The following FANCA variants were observed in gnomAD, a reference collection of about 807,000 sequenced individuals.
The protein encoded by FANCA is Fanconi anemia group A protein.
Under a neutral mutation model 194.3 loss-of-function variants are expected in FANCA, and 236 were observed. That is an observed-to-expected ratio of 1.21 (90% CI 1.09 to 1.35). The LOEUF is 1.35. FANCA is among the 40% of genes most tolerant of loss of function. The probability of loss-of-function intolerance (pLI) is 0.00; values close to 1 mark genes in which losing one functional copy is unlikely to be tolerated. For synonymous variants in FANCA, 1,014 were observed against 715.8 expected (o/e 1.42, Z -6.65); for missense variants, 2,628 against 1,813.9 (o/e 1.45, Z -8.15).
At chr16:89,746,553 A>G in intron 35 of FANCA, 31 bp downstream of exon 35, 1 of 1,595,752 alleles carries the variant, frequency 6.3e-7, no homozygotes, top group Non-Finnish European at 8.6e-7. Context: ...TCATCCCCAA[A>G]ACAAAACACC....
intron 14 of FANCA, 102 bp downstream of exon 14, chr16:89,791,301 G>A: frequency 6.8e-7 from 1 of 1,467,128 alleles, no homozygotes. Flanking sequence ...CAGCAAGGTT[G>A]CTCACTCACA....
intron 5 of FANCA, 121 bp downstream of exon 5, chr16:89,810,586 C>T (rs1343329786): frequency 1.3e-6 from 1 of 774,868 alleles, no homozygotes; most frequent in Non-Finnish European, 2.3e-6. Context: ...CATCCACTCT[C>T]TGTAATTAAT....
chr16:89,782,510 CAAAA>C (rs750202032), intron 17 of FANCA, among the ~76,000 whole-genome samples: 1 of 122,534 alleles, frequency 8.2e-6, no homozygotes, highest in African/African-American at 3.1e-5. Flanking sequence ...ACTGCATCTC[CAAAA>C]AAAAAAAAAA....
chr16:89,809,675 C>A (rs1474666694), intron 5 of FANCA, among the ~76,000 whole-genome samples: 2 of 151,892 alleles, frequency 1.3e-5, no homozygotes, highest in African/African-American at 4.8e-5. Flanking sequence ...CATGGAGAAA[C>A]CCCGTCTCTA....
At chr16:89,768,886 T>C (rs996866120) in intron 26 of FANCA, among the ~76,000 whole-genome samples, 11 of 150,686 alleles carry the variant, frequency 7.3e-5, no homozygotes, top group Admixed American at 1.3e-4. Context: ...AACTTCTCCA[T>C]TGGCTGTGTG....
intron 28 of FANCA, 98 bp from the exon 29 acceptor site, chr16:89,762,120 C>A (rs2038972795): frequency 1.1e-6 from 1 of 883,156 alleles, no homozygotes; most frequent in Non-Finnish European, 1.9e-6. Context: ...CATACGCAGT[C>A]CTCCATGTCC....
intron 8 of FANCA, among the ~76,000 whole-genome samples, chr16:89,801,102 T>C (rs2040434505): frequency 6.6e-6 from 1 of 150,856 alleles, no homozygotes; most frequent in Non-Finnish European, 1.5e-5. Flanking sequence ...TCCCAACACT[T>C]TGAGAGGCCA....
In FANCA at chr16:89,799,616, C is replaced by G; in HGVS notation, c.815G>C (p.Arg272Thr). ...TGCAATTAACTTACAAATCAGCATT[C>G]TCTGCAGTACATCAACCGTGACCTG... is the stretch of plus-strand genomic sequence containing the variant. ...MPQVTVDVLQ[R>T]MLIFALDALA... is the part of the protein sequence containing the mutation. The change falls in exon 9 of 43, where the codon AGA becomes ACA. Residue 272 changes from arginine to threonine, a missense_variant. By Grantham distance (71) the Arg-to-Thr change is moderately conservative. Coordinates refer to ENST00000389301, the MANE Select transcript of FANCA (RefSeq NM_000135.4). The G allele has an allele frequency of 6.2e-7, 1 of 1,613,756 alleles. No individual in the cohort carries two copies. Among genetic ancestry groups the G allele is most frequent in the Non-Finnish European group, 8.5e-7 (1 of 1,179,642 alleles).
rs1285468267 is a variant in FANCA at position 89,815,403 on chromosome 16, C to G, written c.189+474G>C. Among the ~76,000 whole-genome samples, 3 of 125,608 alleles carry G rather than the reference C, an allele frequency of 2.4e-5. No homozygotes were observed. The East Asian group carries it at 7.0e-4, about 29-fold the overall frequency. 82.4% of individuals were successfully genotyped at this position (125,608 alleles called of 152,430 possible). ...TCACTCTGTAATCCAGACTGGATTG[C>G]AAGGGGCGTGATCTCGGCTCACTGC... On this transcript the variant is annotated intron_variant, in intron 2 of 42. Coordinates refer to ENST00000389301, the MANE Select transcript of FANCA (RefSeq NM_000135.4).
intron 30 of FANCA, among the ~76,000 whole-genome samples, chr16:89,753,455 T>C (rs1046608750): frequency 6.6e-6 from 1 of 152,222 alleles, no homozygotes; most frequent in African/African-American, 2.4e-5. Context: ...GGCTGGTCCC[T>C]ACACAAGGAT....
At chr16:89,776,760 G>A (rs765852808) in intron 20 of FANCA, among the ~76,000 whole-genome samples, 54 of 152,144 alleles carry the variant, frequency 3.5e-4, no homozygotes, top group Non-Finnish European at 6.8e-4. Flanking sequence ...GAACCCAGAA[G>A]GTGGAGCTTG....
At position 89,815,524 on chromosome 16, in the gene FANCA, T is replaced by C. The variant is rs139608200; in HGVS notation, c.189+353A>G. ...GCGTGCGCCACCACACCCAGCTAAT[T>C]TTTGTATTTTCAGTAGAGACCGGGT... On this transcript the variant is annotated intron_variant, in intron 2 of 42. Transcript: ENST00000389301. 5.6e-3 allele frequency among the ~76,000 whole-genome samples: 853 copies of C among 151,638 alleles called. 5 individuals carry two copies. Among genetic ancestry groups the C allele is most frequent in the African/African-American group, 0.02 (823 of 41,286 alleles).
intron 8 of FANCA, among the ~76,000 whole-genome samples, chr16:89,802,587 T>C (rs989041533): frequency 4.6e-5 from 7 of 151,954 alleles, no homozygotes; most frequent in African/African-American, 1.7e-4. Flanking sequence ...ATTTTTTTAG[T>C]AGAGACGGGA....
rs74033881 is a variant in FANCA at position 89,810,420 on chromosome 16, C to T, written c.522+287G>A. On this transcript the variant is annotated intron_variant, in intron 5 of 42. Transcript: ENST00000389301. ...TTTTTTTTAATAGTTTACTATACTA[C>T]CCTGGAAAATTCTCCATACTAATAT... Among the ~76,000 whole-genome samples, 834 of 151,850 alleles carry T rather than the reference C, an allele frequency of 5.5e-3. 6 individuals carry two copies. Among genetic ancestry groups the T allele is most frequent in the African/African-American group, 0.019 (806 of 41,382 alleles).
intron 28 of FANCA, among the ~76,000 whole-genome samples, chr16:89,763,846 T>A (rs1438473775): frequency 6.7e-6 from 1 of 150,164 alleles, no homozygotes; most frequent in African/African-American, 2.5e-5. Flanking sequence ...GGCAGGAGAA[T>A]CACTTGAACC....
chr16:89,792,128 C>CCCT, intron 12 of FANCA, 60 bp from the exon 13 acceptor site: 2 of 1,601,566 alleles, frequency 1.2e-6, no homozygotes, highest in Non-Finnish European at 8.6e-7. Context: ...GACAGATGAC[C>CCCT]CCTCACCTTC....
chr16:89,767,105 T>A (rs1044474941), intron 27 of FANCA, 36 bp downstream of exon 27: 1 of 1,512,482 alleles, frequency 6.6e-7, no homozygotes, highest in South Asian at 1.1e-5. Flanking sequence ...CTGAAACGTA[T>A]GGCAGAATGG....
At chr16:89,771,502 C>T (rs1190490011) in intron 23 of FANCA, among the ~76,000 whole-genome samples, 176 bp downstream of exon 23, 1 of 152,096 alleles carries the variant, frequency 6.6e-6, no homozygotes, top group Non-Finnish European at 1.5e-5. Context: ...GCTCTTCATA[C>T]ACAAACAGAC....
rs983221015 is a variant in FANCA, at chr16:89,775,748, G to C, written c.1894C>G (p.Pro632Ala). ...CQACSAAEEK[P>A]EDAALGVRAE... ...AAGCGGCCCAGGAACTTACCTTCTG[G>C]CTTCTCTTCAGCAGCAGAGCAGGCC... The change falls in exon 21 of 43, where the codon CCA becomes GCA. Residue 632 changes from proline (P) to alanine (A), a missense_variant. Coordinates refer to ENST00000389301, the MANE Select transcript of FANCA (RefSeq NM_000135.4). 1.2e-6 allele frequency: 2 copies of C among 1,611,508 alleles called. No homozygotes were observed. Among genetic ancestry groups the C allele is most frequent in the African/African-American group, 2.7e-5 (2 of 74,872 alleles).
Sources: gnomAD v4.1 joint callset for allele counts (sites outside exome capture counted in the v4.1 genomes callset) on GRCh38, gnomAD v4.1.1 for gene constraint, MANE v1.5 for transcripts, NCBI Gene and HGNC (gene_info 2026-07-23, HGNC 2026-07-21) for gene names.